CLYBL: variants seen among roughly 807,000 people sequenced by gnomAD.
The protein encoded by CLYBL is citramalyl-CoA lyase, mitochondrial.
CLYBL carries 31 observed loss-of-function variants against 38.9 expected under a neutral mutation model. That is an observed-to-expected ratio of 0.80 (90% CI 0.60 to 1.08). The LOEUF is 1.08. CLYBL is among the 50% of genes least tolerant of loss of function. The pLI is 0.00. For missense variants in CLYBL, 434 were observed against 411.6 expected, an observed-to-expected ratio of 1.05 and a Z score of -0.47; for synonymous variants, 171 against 158.6, an observed-to-expected ratio of 1.08 and a Z score of -0.59.
chr13:99,607,180 A>G (rs1029921478), intron 1 of CLYBL, among the ~76,000 whole-genome samples: 10 of 146,726 alleles, frequency 6.8e-5, no homozygotes. Flanking sequence ...GGACCCCCCA[A>G]AGCTTTTGCT....
intron 2 of CLYBL, among the ~76,000 whole-genome samples, chr13:99,773,987 T>C (rs1310421064): frequency 6.6e-6 from 1 of 151,796 alleles, no homozygotes; most frequent in Non-Finnish European, 1.5e-5. Flanking sequence ...CCCAGCACTT[T>C]AGGAGGCCAA....
At chr13:99,876,187 C>T (rs1307333989) in intron 7 of CLYBL, among the ~76,000 whole-genome samples, 3 of 147,904 alleles carry the variant, frequency 2.0e-5, no homozygotes, top group Admixed American at 6.8e-5. Context: ...TTTGAGAGGC[C>T]GAGGTGGGCA....
At chr13:99,647,667 G>T (rs2047197151) in intron 1 of CLYBL, among the ~76,000 whole-genome samples, 1 of 152,166 alleles carries the variant, frequency 6.6e-6, no homozygotes, top group African/African-American at 2.4e-5. Flanking sequence ...TTTCCAAAGG[G>T]CAGAGGGCAA....
At chr13:99,731,207 T>C (rs946435252) in intron 1 of CLYBL, among the ~76,000 whole-genome samples, 2 of 150,866 alleles carry the variant, frequency 1.3e-5, no homozygotes, top group Non-Finnish European at 2.9e-5. Context: ...AAAATAAACA[T>C]GGACAGAAAA....
intron 1 of CLYBL, among the ~76,000 whole-genome samples, chr13:99,752,875 C>A (rs2048983055): frequency 6.6e-6 from 1 of 152,024 alleles, no homozygotes; most frequent in Admixed American, 6.5e-5. Flanking sequence ...TCTGGGACAG[C>A]CAAAAAGGAA....
intron 1 of CLYBL, among the ~76,000 whole-genome samples, chr13:99,731,495 G>A (rs2048589491): frequency 9.4e-6 from 1 of 106,716 alleles, no homozygotes; most frequent in African/African-American, 4.3e-5. Context: ...GACTGCAGCT[G>A]CTTATATTAA....
At chr13:99,680,516 G>A (rs189846076) in intron 1 of CLYBL, among the ~76,000 whole-genome samples, 3 of 152,182 alleles carry the variant, frequency 2.0e-5, no homozygotes, top group East Asian at 1.9e-4. Flanking sequence ...CAAAAATAAC[G>A]GACTAGGACT....
intron 1 of CLYBL, among the ~76,000 whole-genome samples, chr13:99,632,480 G>T (rs1292375017): frequency 6.6e-6 from 1 of 152,230 alleles, no homozygotes; most frequent in Non-Finnish European, 1.5e-5. Flanking sequence ...TGTGGCTCAT[G>T]CCTGTAATCC....
rs996830633 is a variant in CLYBL, at chr13:99,906,907, G to C, written c.*161-1148G>C. 1.1e-4 allele frequency among the ~76,000 whole-genome samples: 17 copies of C among 152,316 alleles called. 2 individuals carry two copies. The highest frequency in any genetic ancestry group is 9.1e-4 in the Admixed American group (14 of 15,302). On this transcript the variant is annotated intron_variant and NMD_transcript_variant, in intron 9 of 9. Transcript: ENST00000689673. ...AAATACTTGGCTTCGTGCATCTGCA[G>C]ACTTACTGTTTTCTTTGACCCTTTG...
chr13:99,674,798 A>T (rs776300323), intron 1 of CLYBL, among the ~76,000 whole-genome samples: 5 of 152,200 alleles, frequency 3.3e-5, no homozygotes, highest in Admixed American at 2.6e-4. Context: ...ACCAAGTGAA[A>T]ACAGTACAGC....
At chr13:99,831,568 C>CAAAT (rs940756445) in intron 2 of CLYBL, among the ~76,000 whole-genome samples, 8 of 151,754 alleles carry the variant, frequency 5.3e-5, no homozygotes, top group East Asian at 1.9e-4. Flanking sequence ...AAAAAATGAA[C>CAAAT]AAATAAATAA....
At chr13:99,763,955 C>T (rs778741465) in intron 1 of CLYBL, among the ~76,000 whole-genome samples, 5 of 151,746 alleles carry the variant, frequency 3.3e-5, no homozygotes, top group East Asian at 1.9e-4. Context: ...TTCCTTTTTT[C>T]GTCATGTCCT....
chr13:99,668,700 C>T (rs528721222), intron 1 of CLYBL, among the ~76,000 whole-genome samples: 3 of 152,302 alleles, frequency 2.0e-5, no homozygotes, highest in East Asian at 3.9e-4. Context: ...TAAATCCCCT[C>T]CCTGGGCATG....
rs921632459 is a variant in CLYBL, at chr13:99,865,382, A to T, written c.634+471A>T. ...TAAATATTATTTTAAATGGATCTTAAATTTCTCTTACAATATGTTTCGAAC... is the reference window on the plus strand; with the variant it reads ...TAAATATTATTTTAAATGGATCTTATATTTCTCTTACAATATGTTTCGAAC... On this transcript the variant is annotated intron_variant, in intron 5 of 8. Coordinates refer to ENST00000339105, the MANE Select transcript of CLYBL (RefSeq NM_206808.5). This position sits in a 1 kb window ranked among gnomAD's most constrained non-coding sequence, Gnocchi z 4.7. 1 of 230,812 alleles carries T rather than the reference A, an allele frequency of 4.3e-6. No homozygotes were observed. Among genetic ancestry groups the T allele is most frequent in the Non-Finnish European group, 8.6e-6 (1 of 116,754 alleles). The allele number at this position is 230,812 out of a possible 1,614,324, so 14.3% of individuals were successfully genotyped here. A position where few individuals can be genotyped will look rare whatever the true frequency, so the allele number is the denominator to read the frequency against.
chr13:99,639,459 T>G (rs545774308), intron 1 of CLYBL, among the ~76,000 whole-genome samples: 4 of 152,312 alleles, frequency 2.6e-5, no homozygotes, highest in African/African-American at 9.6e-5. Context: ...GACATAAGCA[T>G]TTAGAGTCAT....
At chr13:99,833,028 ATATTTTTTTTTTT>A (rs1370661475) in intron 2 of CLYBL, among the ~76,000 whole-genome samples, 3 of 36,088 alleles carry the variant, frequency 8.3e-5, no homozygotes, top group African/African-American at 3.5e-4. Context: ...ATATATATAT[ATATTTTTTTTTTT>A]TTTTTTTTTT....
At chr13:99,644,146 G>GTGTA (rs146976816) in intron 1 of CLYBL, among the ~76,000 whole-genome samples, 1 of 151,348 alleles carries the variant, frequency 6.6e-6, no homozygotes, top group African/African-American at 2.4e-5. Context: ...TGTATATGTG[G>GTGTA]TGTATGTATG....
chr13:99,699,114 A>G (rs1008522078), intron 1 of CLYBL, among the ~76,000 whole-genome samples: 1 of 152,170 alleles, frequency 6.6e-6, no homozygotes, highest in East Asian at 1.9e-4. Context: ...GGACTGGCGC[A>G]GTGGCTCATG....
chr13:99,802,255 A>G (rs2050151082), intron 2 of CLYBL, among the ~76,000 whole-genome samples: 1 of 152,132 alleles, frequency 6.6e-6, no homozygotes, highest in Non-Finnish European at 1.5e-5. Flanking sequence ...CACATGACCA[A>G]GAAAGAAATC....
Sources: allele counts gnomAD v4.1 joint callset (sites outside exome capture counted in the v4.1 genomes callset), GRCh38; gene constraint gnomAD v4.1.1; non-coding constraint Gnocchi (gnomAD v3.1); transcripts MANE v1.5; gene names NCBI Gene and HGNC (gene_info 2026-07-23, HGNC 2026-07-21).